Variants in LRP1B observed in about 807,000 individuals in gnomAD.
LRP1B encodes LDL receptor related protein 1B.
A neutral mutation model predicts 556.6 loss-of-function variants in LRP1B; 217 were observed. The ratio of observed to expected loss-of-function variants is 0.39; its 90% CI spans 0.35 to 0.44. The LOEUF (loss-of-function observed/expected upper bound fraction) is 0.44. Among genes scored for constraint, LRP1B ranks in the 20% least tolerant of loss-of-function variants. The pLI is 1.00. For synonymous variants in LRP1B, 2,047 were observed against 1,865.8 expected, an observed-to-expected ratio of 1.10 and a Z score of -2.50; for missense variants, 5,053 against 5,620.8, an observed-to-expected ratio of 0.90 and a Z score of 3.23.
At chr2:141,725,247 G>A (rs1309705168) in intron 2 of LRP1B, among the ~76,000 whole-genome samples, 1 of 151,810 alleles carries the variant, frequency 6.6e-6, no homozygotes, top group Non-Finnish European at 1.5e-5. Context: ...CATTTTTTAT[G>A]AGATTAAATG....
At chr2:141,653,084 C>T (rs1366267192) in intron 2 of LRP1B, among the ~76,000 whole-genome samples, 1 of 152,172 alleles carries the variant, frequency 6.6e-6, no homozygotes, top group Non-Finnish European at 1.5e-5. Context: ...GATCTCTCAA[C>T]ATCCGTGCCT....
intron 6 of LRP1B, among the ~76,000 whole-genome samples, chr2:141,214,838 T>C (rs1682726252): frequency 6.6e-6 from 1 of 152,182 alleles, no homozygotes; most frequent in Admixed American, 6.5e-5. Context: ...TCTTACACTT[T>C]ATCCAGACAC....
intron 43 of LRP1B, among the ~76,000 whole-genome samples, chr2:140,573,232 T>A (rs1289228489): frequency 6.6e-6 from 1 of 151,780 alleles, no homozygotes; most frequent in Non-Finnish European, 1.5e-5. Context: ...TATCAAAAAA[T>A]CACACTGTAT....
At chr2:140,797,362 AAAC>A (rs1290036816) in intron 32 of LRP1B, among the ~76,000 whole-genome samples, 1 of 152,126 alleles carries the variant, frequency 6.6e-6, no homozygotes. Flanking sequence ...TTTGAAATTG[AAAC>A]AACAAACTTC....
At chr2:141,058,424 G>A (rs139035644) in intron 9 of LRP1B, among the ~76,000 whole-genome samples, 2 of 151,710 alleles carry the variant, frequency 1.3e-5, no homozygotes, top group Non-Finnish European at 2.9e-5. Flanking sequence ...AAAAACTGCA[G>A]CCTTCTCATT....
At chr2:141,158,648 T>C (rs947477199) in intron 7 of LRP1B, among the ~76,000 whole-genome samples, 1 of 152,170 alleles carries the variant, frequency 6.6e-6, no homozygotes, top group Admixed American at 6.6e-5. Flanking sequence ...ATATCTCTTT[T>C]CTTTTTTCTT....
intron 37 of LRP1B, 56 bp from the exon 38 acceptor site, chr2:140,702,609 A>G (rs1686690359): frequency 3.9e-6 from 6 of 1,538,972 alleles, no homozygotes; most frequent in Non-Finnish European, 5.4e-6. Context: ...TAGTATGCAG[A>G]GCTATGCAAA....
chr2:141,388,075 G>T (rs1689898183), intron 3 of LRP1B, among the ~76,000 whole-genome samples: 2 of 152,062 alleles, frequency 1.3e-5, no homozygotes, highest in Admixed American at 1.3e-4. Context: ...TAAAATGAAG[G>T]GAAGAAACAC....
At chr2:140,312,601 T>C (rs1179955442) in intron 83 of LRP1B, among the ~76,000 whole-genome samples, 1 of 151,956 alleles carries the variant, frequency 6.6e-6, no homozygotes, top group Non-Finnish European at 1.5e-5. Flanking sequence ...CTTAATACTA[T>C]GCTTTACTCT....
chr2:141,912,451 A>G (rs2104955155), intron 1 of LRP1B, among the ~76,000 whole-genome samples: 1 of 152,290 alleles, frequency 6.6e-6, no homozygotes, highest in East Asian at 1.9e-4. Flanking sequence ...CCCCTTGATG[A>G]AATAAGAACG....
At chr2:141,211,062 A>C (rs1006123081) in intron 6 of LRP1B, among the ~76,000 whole-genome samples, 1 of 152,014 alleles carries the variant, frequency 6.6e-6, no homozygotes, top group African/African-American at 2.4e-5. Flanking sequence ...ATCTCAGCTC[A>C]CTGCAACCTC....
intron 3 of LRP1B, among the ~76,000 whole-genome samples, chr2:141,316,836 C>G (rs1198319500): frequency 1.3e-5 from 2 of 152,208 alleles, no homozygotes; most frequent in Non-Finnish European, 2.9e-5. Context: ...AATCTCTACT[C>G]ATTTGCAATT....
chr2:141,228,854 T>TA (rs1683353379), intron 6 of LRP1B, among the ~76,000 whole-genome samples: 1 of 152,188 alleles, frequency 6.6e-6, no homozygotes, highest in South Asian at 2.1e-4. Flanking sequence ...TCTGTCTGCT[T>TA]TTTTTAAATC....
chr2:140,720,744 G>C (rs566365828), intron 35 of LRP1B, among the ~76,000 whole-genome samples: 1 of 151,946 alleles, frequency 6.6e-6, no homozygotes, highest in Non-Finnish European at 1.5e-5. Context: ...TCTACTCTAC[G>C]TTATTATGGG....
intron 33 of LRP1B, among the ~76,000 whole-genome samples, chr2:140,772,290 A>AAT (rs979012711): frequency 6.7e-6 from 1 of 149,224 alleles, no homozygotes. Context: ...ATAGATTTAT[A>AAT]ATATATATAT....
rs376189849 is a variant in LRP1B at position 140,373,019 on chromosome 2, C to T, written c.10757G>A (p.Ser3586Asn). ...TTCAATCCTTTTACCTGGCTCACAG[C>T]TTTTCTCATCTTCCCCATATTTGCA... Reference protein sequence around the residue: ...EDCKYGEDEKSCEPASPTCSS... With the variant: ...EDCKYGEDEKNCEPASPTCSS... Residue 3586 changes from serine (S) to asparagine (N), a missense_variant, in exon 69 of 91, where the codon AGC (serine) becomes AAC (asparagine). Ser to Asn is a conservative substitution (Grantham distance 46, BLOSUM62 1). This residue lies in a region of LRP1B where 599 missense variants were observed against 648.4 expected (regional missense o/e 0.92). Coordinates refer to ENST00000389484, the MANE Select transcript of LRP1B (RefSeq NM_018557.3). 2 of 1,613,086 alleles carry T rather than the reference C, an allele frequency of 1.2e-6. No homozygotes were observed. Among genetic ancestry groups the T allele is most frequent in the African/African-American group, 2.7e-5 (2 of 74,846 alleles).
intron 2 of LRP1B, among the ~76,000 whole-genome samples, chr2:141,575,988 G>A (rs1313371922): frequency 6.6e-5 from 10 of 152,280 alleles, no homozygotes; most frequent in Admixed American, 5.9e-4. Context: ...TACACTGTTG[G>A]TGGGAATGTA....
At chr2:141,005,152 G>A (rs1291663567) in intron 15 of LRP1B, among the ~76,000 whole-genome samples, 183 bp downstream of exon 15, 3 of 151,822 alleles carry the variant, frequency 2.0e-5, no homozygotes, top group Admixed American at 6.6e-5. Context: ...CACCATCATT[G>A]TCAATATTCA....
chr2:142,101,063 C>G (rs772480223), intron 1 of LRP1B, among the ~76,000 whole-genome samples: 2 of 151,914 alleles, frequency 1.3e-5, no homozygotes, highest in Non-Finnish European at 2.9e-5. Flanking sequence ...TCCCCACTTG[C>G]TGTTTTTGTG....
Sources: gnomAD v4.1 joint callset for allele counts (sites outside exome capture counted in the v4.1 genomes callset) on GRCh38, gnomAD v4.1.1 for gene constraint, gnomAD v4.1.1 regional missense constraint, MANE v1.5 for transcripts, NCBI Gene and HGNC (gene_info 2026-07-23, HGNC 2026-07-21) for gene names.